Variants in GCN1 observed in about 807,000 individuals in gnomAD.
GCN1 encodes stalled ribosome sensor GCN1.
GCN1 carries 90 observed loss-of-function variants against 288.4 expected under a neutral mutation model. That is an observed-to-expected ratio of 0.31 (90% CI 0.26 to 0.37). GCN1 has a LOEUF of 0.37. GCN1 is among the 10% of genes least tolerant of loss of function. The pLI, the probability that GCN1 is intolerant of heterozygous loss-of-function variation, is 1.00. For missense variants in GCN1, 2,586 were observed against 3,419.9 expected (o/e 0.76, Z 6.08); for synonymous variants, 1,386 against 1,420.2 (o/e 0.98, Z 0.54).
chr12:120,179,774 C>A (rs1007839428), intron 5 of GCN1, among the ~76,000 whole-genome samples: 2 of 152,144 alleles, frequency 1.3e-5, no homozygotes, highest in Non-Finnish European at 2.9e-5. Flanking sequence ...AATGAACATA[C>A]AATTTCAGTG....
In GCN1 at chr12:120,147,100, C is replaced by G; in HGVS notation, c.4899G>C (p.Lys1633Asn). Reference protein sequence around the residue: ...AFQDRSTDTRKMAAQIIGNMY... With the variant: ...AFQDRSTDTRNMAAQIIGNMY... ...TGTTGCCAATAATCTGGGCTGCCAT[C>G]TTCCGCGTGTCCGTGGAACGGTCCT... is the stretch of plus-strand genomic sequence containing the variant. The change falls in exon 38 of 58, where the codon AAG becomes AAC. Residue 1633 changes from lysine (K) to asparagine (N), a missense_variant. Physicochemically the swap from Lys to Asn is moderately conservative, Grantham distance 94 (BLOSUM62 0). Coordinates refer to ENST00000300648, the MANE Select transcript of GCN1 (RefSeq NM_006836.2). 6.2e-7 allele frequency: 1 copy of G among 1,601,866 alleles called. No homozygotes were observed. The highest frequency in any genetic ancestry group is 8.5e-7 in the Non-Finnish European group (1 of 1,171,068).
At chr12:120,170,588 C>T (rs1467592703) in intron 14 of GCN1, among the ~76,000 whole-genome samples, 2 of 151,424 alleles carry the variant, frequency 1.3e-5, no homozygotes, top group Non-Finnish European at 2.9e-5. Flanking sequence ...GCGGGTGGAT[C>T]ACCTGAGGCT....
intron 15 of GCN1, among the ~76,000 whole-genome samples, chr12:120,169,295 A>AAAAAAAAAAAAT (rs1878240206): frequency 1.2e-5 from 1 of 81,326 alleles, no homozygotes; most frequent in African/African-American, 9.5e-5. Flanking sequence ...AAAAAAAAAA[A>AAAAAAAAAAAAT]GAAAAAAAAA....
intron 2 of GCN1, 26 bp from the exon 3 acceptor site, chr12:120,184,913 C>A (rs765085800): frequency 5.8e-6 from 9 of 1,552,062 alleles, no homozygotes; most frequent in African/African-American, 1.4e-5. Context: ...ACACAGACAG[C>A]GGTCAATAAA....
rs1348747983 is a variant in GCN1 at position 120,136,497 on chromosome 12, C to T, written c.7008+5G>A. The T allele has an allele frequency of 5.0e-6, 8 of 1,607,450 alleles. No homozygotes were observed. The Admixed American group carries it at 8.3e-5, about 17-fold the overall frequency. ...AAGATCTGAACAAACTCATCAGCCA[C>T]TCACCTTAGCCAACAAGAGGCTGAG... On this transcript the variant is annotated splice_donor_5th_base_variant and intron_variant, in intron 51 of 57. Coordinates refer to ENST00000300648, the MANE Select transcript of GCN1 (RefSeq NM_006836.2).
chr12:120,170,576 A>C (rs149522577), intron 14 of GCN1, among the ~76,000 whole-genome samples: 1,888 of 152,260 alleles, frequency 0.012, 32 homozygotes, highest in Non-Finnish European at 0.019. Context: ...TGGGAGGCCG[A>C]GGCGGGTGGA....
At chr12:120,175,126 CAAAAAAAAAAA>C (rs58560211) in intron 12 of GCN1, 25 bp downstream of exon 12, 20 of 1,065,008 alleles carry the variant, frequency 1.9e-5, no homozygotes, top group East Asian at 2.6e-5. Context: ...GACTTTCTCT[CAAAAAAAAAAA>C]AAAAAAAAAA....
rs1010009803 is a variant in GCN1 at position 120,169,160 on chromosome 12, C to T, written c.1520-860G>A. Among the ~76,000 whole-genome samples, 9 of 151,390 alleles carry T rather than the reference C, an allele frequency of 5.9e-5. No individual in the cohort carries two copies. The East Asian group carries it at 1.2e-3, about 20-fold the overall frequency. On this transcript the variant is annotated intron_variant, in intron 15 of 57. Coordinates refer to ENST00000300648, the MANE Select transcript of GCN1 (RefSeq NM_006836.2). ...AATATAAAAAATTAGCCGCGCGTGG[C>T]GGCGTAGCGCCTGTAGTCCCAGCCA...
chr12:120,153,071 G>C lies in GCN1; in HGVS notation c.4062+142C>G, dbSNP rs1877619637. ...CTGACTATAAACCAGGCTCTCCCCT[G>C]CGAGAGGGGGTGAATCCTTAACAAG... is the stretch of plus-strand genomic sequence containing the variant. On this transcript the variant is annotated intron_variant, in intron 33 of 57. Coordinates refer to ENST00000300648, the MANE Select transcript of GCN1 (RefSeq NM_006836.2). This position sits in a 1 kb window ranked among gnomAD's most constrained non-coding sequence, Gnocchi z 4.4. The C allele has an allele frequency of 4.5e-6, 3 of 661,588 alleles. No individual in the cohort carries two copies. The highest frequency in any genetic ancestry group is 7.8e-6 in the Non-Finnish European group (3 of 386,854). 41.0% of individuals were successfully genotyped at this position (661,588 alleles called of 1,614,324 possible). A position where few individuals can be genotyped will look rare whatever the true frequency, so the allele number is the denominator to read the frequency against.
At chr12:120,180,776 CAGG>C (rs1322164665) in intron 5 of GCN1, among the ~76,000 whole-genome samples, 2 of 151,684 alleles carry the variant, frequency 1.3e-5, no homozygotes, top group Non-Finnish European at 2.9e-5. Flanking sequence ...ATCACGAGGT[CAGG>C]AGATCGAGAC....
At chr12:120,169,780 C>A (rs1878260325) in intron 15 of GCN1, among the ~76,000 whole-genome samples, 1 of 152,196 alleles carries the variant, frequency 6.6e-6, no homozygotes, top group South Asian at 2.1e-4. Flanking sequence ...AAATTGGTAA[C>A]ACCGTTTACA....
intron 50 of GCN1, among the ~76,000 whole-genome samples, chr12:120,136,965 G>C (rs1367002257): frequency 6.6e-6 from 1 of 152,200 alleles, no homozygotes; most frequent in Non-Finnish European, 1.5e-5. Context: ...ATGCACTGCT[G>C]TTACCCTGTG....
intron 5 of GCN1, among the ~76,000 whole-genome samples, chr12:120,179,557 G>A (rs1174346647): frequency 6.6e-6 from 1 of 152,008 alleles, no homozygotes; most frequent in African/African-American, 2.4e-5. Context: ...CCACCACCAT[G>A]CCCACCTAAT....
chr12:120,147,306 T>C lies in GCN1; in HGVS notation c.4727-34A>G, dbSNP rs368331597. On this transcript the variant is annotated intron_variant, in intron 37 of 57. Transcript: ENST00000300648. ...CCAAAGAGAAGAGAGCTGGATGATA[T>C]ACATCTATGCAGCTGCAAGGCCCCT... 2.8e-4 allele frequency: 364 copies of C among 1,305,534 alleles called. 1 individual carries two copies. Among genetic ancestry groups the C allele is most frequent in the Non-Finnish European group, 3.8e-4 (351 of 927,474 alleles). 80.9% of individuals were successfully genotyped at this position (1,305,534 alleles called of 1,614,324 possible).
At chr12:120,164,767 T>C in intron 16 of GCN1, 46 bp from the exon 17 acceptor site, 1 of 1,252,860 alleles carries the variant, frequency 8.0e-7, no homozygotes, top group Admixed American at 1.7e-5. Context: ...AATAGTTAAG[T>C]GTACACATAC....
At chr12:120,174,024 T>C (rs1878392946) in intron 13 of GCN1, 47 bp downstream of exon 13, 1 of 1,236,654 alleles carries the variant, frequency 8.1e-7, no homozygotes, top group Admixed American at 1.7e-5. Context: ...AAAACCACGG[T>C]CAAGGATGAG....
intron 54 of GCN1, 50 bp downstream of exon 54, chr12:120,131,876 T>C (rs1876836499): frequency 8.4e-7 from 1 of 1,184,748 alleles, no homozygotes; most frequent in South Asian, 1.3e-5. Context: ...GACTCTTCGC[T>C]AGGGCTGAGA....
chr12:120,131,246 C>T lies in GCN1; in HGVS notation c.7502G>A (p.Cys2501Tyr), dbSNP rs771928848. The change falls in exon 55 of 58, where the codon TGT becomes TAT. Residue 2501 changes from cysteine (C) to tyrosine (Y), a missense_variant. By Grantham distance (194) the Cys-to-Tyr change is radical (BLOSUM62 -2). This residue lies in a region of GCN1 where 355 missense variants were observed against 431.1 expected (regional missense o/e 0.82). Coordinates refer to ENST00000300648, the MANE Select transcript of GCN1 (RefSeq NM_006836.2). ...AACATCACTGCTATATCTGCCGGCA[C>T]AAAGTCTGCCAGGAGCCACATTCAC... The part of the protein sequence containing the change: ...VAVNVAPGRL[C>Y]AGRYSSDVQE... The T allele has an allele frequency of 1.2e-6, 2 of 1,613,978 alleles. No homozygotes were observed. Among genetic ancestry groups the T allele is most frequent in the Non-Finnish European group, 8.5e-7 (1 of 1,179,988 alleles).
chr12:120,136,914 AGAC>A (rs1341945333), intron 50 of GCN1, among the ~76,000 whole-genome samples, 182 bp from the exon 51 acceptor site: 4 of 152,170 alleles, frequency 2.6e-5, no homozygotes, highest in African/African-American at 7.2e-5. Context: ...GGCAGAGAAA[AGAC>A]GACAAGGGCC....
Sources: allele counts gnomAD v4.1 joint callset (sites outside exome capture counted in the v4.1 genomes callset), GRCh38; gene constraint gnomAD v4.1.1; regional missense constraint gnomAD v4.1.1; non-coding constraint Gnocchi (gnomAD v3.1); transcripts MANE v1.5; gene names NCBI Gene and HGNC (gene_info 2026-07-23, HGNC 2026-07-21).